Variants in LOXL2 observed in about 807,000 individuals in gnomAD.
The protein encoded by LOXL2 is lysyl oxidase like 2, also known as lysyl oxidase homolog 2.
A neutral mutation model predicts 93.0 loss-of-function variants in LOXL2; 70 were observed. The ratio of observed to expected loss-of-function variants is 0.75; its 90% CI spans 0.62 to 0.92. The LOEUF (loss-of-function observed/expected upper bound fraction) is 0.92, where lower values mean the gene tolerates loss of function less well. LOXL2 is among the 40% of genes least tolerant of loss of function. LOXL2 has a pLI of 0.00. For missense variants in LOXL2, 973 were observed against 1,054.9 expected, an observed-to-expected ratio of 0.92 and a Z score of 1.08; for synonymous variants, 438 against 413.2, an observed-to-expected ratio of 1.06 and a Z score of -0.73.
At chr8:23,318,421 G>A (rs973549485) in intron 8 of LOXL2, among the ~76,000 whole-genome samples, 4 of 97,128 alleles carry the variant, frequency 4.1e-5, no homozygotes, top group African/African-American at 1.2e-4. Flanking sequence ...CCTATTGGTT[G>A]ATAGCACACA....
intron 10 of LOXL2, among the ~76,000 whole-genome samples, chr8:23,308,896 G>A (rs1029377533): frequency 3.3e-5 from 5 of 151,982 alleles, no homozygotes; most frequent in East Asian, 1.9e-4. Context: ...CAGGTCTCAG[G>A]ACTCTTGGGC....
chr8:23,305,261 CACAG>C (rs1261896371), intron 10 of LOXL2, among the ~76,000 whole-genome samples: 6 of 152,188 alleles, frequency 3.9e-5, no homozygotes, highest in East Asian at 1.9e-4. Flanking sequence ...AGACGGAGCG[CACAG>C]ACAGACTCTT....
Position 23,390,935 on chromosome 8 carries a change from GAAGGTGA to G in LOXL2, c.-84+13012_-84+13018del, listed in dbSNP as rs567598773. ...CTGGGGAGGCCTCACAATCATGGTG[GAAGGTGA>G]AAGGTGAAAGGTGAAAGGTGAAAGG... is the stretch of plus-strand genomic sequence containing the variant. On this transcript the variant is annotated intron_variant, in intron 1 of 13. Coordinates refer to ENST00000389131, the MANE Select transcript of LOXL2 (RefSeq NM_002318.3). Among the ~76,000 whole-genome samples the G allele has an allele frequency of 4.0e-3, 607 of 152,198 alleles. 2 individuals carry two copies. The highest frequency in any genetic ancestry group is 0.01 in the African/African-American group (435 of 41,518).
At chr8:23,383,896 G>A (rs1451467512) in intron 1 of LOXL2, among the ~76,000 whole-genome samples, 2 of 151,974 alleles carry the variant, frequency 1.3e-5, no homozygotes, top group African/African-American at 2.4e-5. Flanking sequence ...TGCTGACCTC[G>A]TGATCCACCC....
chr8:23,359,213 TC>T (rs2117203640), intron 3 of LOXL2, among the ~76,000 whole-genome samples: 1 of 152,210 alleles, frequency 6.6e-6, no homozygotes, highest in African/African-American at 2.4e-5. Context: ...GTAGCCAGCT[TC>T]CAAGATGGCC....
At chr8:23,358,354 G>A (rs1804231737) in intron 3 of LOXL2, among the ~76,000 whole-genome samples, 1 of 152,212 alleles carries the variant, frequency 6.6e-6, no homozygotes, top group Non-Finnish European at 1.5e-5. Flanking sequence ...CAGCACGCTT[G>A]GGAACATATA....
At chr8:23,382,707 C>T (rs1804697913) in intron 1 of LOXL2, among the ~76,000 whole-genome samples, 1 of 152,024 alleles carries the variant, frequency 6.6e-6, no homozygotes, top group South Asian at 2.1e-4. Flanking sequence ...TGTCTTTCTG[C>T]CCTGCTCTGG....
intron 1 of LOXL2, among the ~76,000 whole-genome samples, chr8:23,374,063 T>C (rs1399674182): frequency 6.6e-6 from 1 of 152,062 alleles, no homozygotes; most frequent in Non-Finnish European, 1.5e-5. Flanking sequence ...ACTCGTCATT[T>C]ACATTGGGTA....
chr8:23,388,133 C>T (rs1406512424), intron 1 of LOXL2, among the ~76,000 whole-genome samples: 1 of 152,162 alleles, frequency 6.6e-6, no homozygotes, highest in African/African-American at 2.4e-5. Flanking sequence ...GTTATTCAGG[C>T]ACCAACTACA....
chr8:23,332,203 A>ACCCAC lies in LOXL2; in HGVS notation c.966+1193_966+1197dup, dbSNP rs1425033950. Among the ~76,000 whole-genome samples, 4 of 134,772 alleles carry ACCCAC rather than the reference A, an allele frequency of 3.0e-5. No individual in the cohort carries two copies. The East Asian group carries it at 9.7e-4, about 33-fold the overall frequency. The allele number at this position is 134,772 out of a possible 152,430, so 88.4% of individuals were successfully genotyped here. A position where few individuals can be genotyped will look rare whatever the true frequency, so the allele number is the denominator to read the frequency against. On this transcript the variant is annotated intron_variant, in intron 5 of 13. Coordinates refer to ENST00000389131, the MANE Select transcript of LOXL2 (RefSeq NM_002318.3). ...ACACACACACACACACCCCACACAC[A>ACCCAC]CCCACACCCACCCCACACACCCCCT... is the stretch of plus-strand genomic sequence containing the variant.
intron 3 of LOXL2, among the ~76,000 whole-genome samples, chr8:23,346,779 C>T (rs891033195): frequency 1.3e-5 from 2 of 151,978 alleles, no homozygotes; most frequent in African/African-American, 4.8e-5. Flanking sequence ...GTTCTCCTTC[C>T]CCCTGTTCTA....
chr8:23,356,578 C>T (rs1017629500), intron 3 of LOXL2, among the ~76,000 whole-genome samples: 4 of 152,164 alleles, frequency 2.6e-5, no homozygotes, highest in African/African-American at 9.7e-5. Flanking sequence ...ATCCTGAGGT[C>T]TAGGCCCTTT....
intron 10 of LOXL2, among the ~76,000 whole-genome samples, chr8:23,308,016 AAAG>A (rs2117144819): frequency 6.6e-6 from 1 of 151,630 alleles, no homozygotes; most frequent in African/African-American, 2.4e-5. Context: ...GACAAAAAAG[AAAG>A]AGCATGTAGT....
chr8:23,378,369 A>T (rs1257513254), intron 1 of LOXL2, among the ~76,000 whole-genome samples: 2 of 152,146 alleles, frequency 1.3e-5, no homozygotes, highest in African/African-American at 2.4e-5. Context: ...GGCTGTCCTT[A>T]ACATTTTTTC....
At chr8:23,327,053 T>C (rs1254454291) in intron 6 of LOXL2, among the ~76,000 whole-genome samples, 1 of 152,222 alleles carries the variant, frequency 6.6e-6, no homozygotes, top group East Asian at 1.9e-4. Flanking sequence ...TCTCCTCAAC[T>C]CTTGGACTAG....
intron 1 of LOXL2, among the ~76,000 whole-genome samples, chr8:23,381,182 A>G (rs990351342): frequency 6.6e-6 from 1 of 151,810 alleles, no homozygotes; most frequent in Non-Finnish European, 1.5e-5. Flanking sequence ...ATTGAACAGC[A>G]TATTGCAAAC....
At chr8:23,323,947 G>A (rs938187127) in intron 6 of LOXL2, among the ~76,000 whole-genome samples, 11 of 152,114 alleles carry the variant, frequency 7.2e-5, no homozygotes, top group Non-Finnish European at 1.2e-4. Flanking sequence ...TGATCTGCCC[G>A]CCTCGGCCTC....
chr8:23,360,344 A>G lies in LOXL2; in HGVS notation c.356-79T>C, dbSNP rs779577605. On this transcript the variant is annotated intron_variant, in intron 2 of 13. Coordinates refer to ENST00000389131, the MANE Select transcript of LOXL2 (RefSeq NM_002318.3). ...TCTTTGCGGGGCACCAGTGTCTCAC[A>G]TGGAAAGAGAATTTTTCTCTAATTT... 17 of 1,084,884 alleles carry G rather than the reference A, an allele frequency of 1.6e-5. No homozygotes were observed. In the Admixed American group the frequency reaches 2.1e-4, roughly 14 times the overall value. The allele number at this position is 1,084,884 out of a possible 1,614,324, so 67.2% of individuals were successfully genotyped here.
intron 2 of LOXL2, chr8:23,363,598 C>G (rs1261045734): frequency 6.6e-6 from 1 of 152,240 alleles, no homozygotes; most frequent in Non-Finnish European, 1.5e-5. Flanking sequence ...GCACCCTATT[C>G]CATCTGCAGT....
Sources: gnomAD v4.1 joint callset for allele counts (sites outside exome capture counted in the v4.1 genomes callset) on GRCh38, gnomAD v4.1.1 for gene constraint, MANE v1.5 for transcripts, NCBI Gene and HGNC (gene_info 2026-07-23, HGNC 2026-07-21) for gene names.